The following LOC128092253 variants were observed in gnomAD, a reference collection of about 807,000 sequenced individuals.
chr6:133,977,790 C>T, the LOC128092253 span, among the ~76,000 whole-genome samples: 1 of 152,120 alleles, frequency 6.6e-6, no homozygotes, highest in African/African-American at 2.4e-5. Flanking sequence ...GGCCAGGCTG[C>T]TTCTATCTTG....
At chr6:133,979,631 G>A in the LOC128092253 span, among the ~76,000 whole-genome samples, 136 of 152,176 alleles carry the variant, frequency 8.9e-4, no homozygotes, top group African/African-American at 3.0e-3. Context: ...ATTTTTAGTG[G>A]GGAAAAGAAA....
chr6:133,972,398 A>T, the LOC128092253 span, among the ~76,000 whole-genome samples: 1 of 152,244 alleles, frequency 6.6e-6, no homozygotes, highest in Non-Finnish European at 1.5e-5. Flanking sequence ...TGTCATTTTA[A>T]TTAAAAATAA....
chr6:133,977,604 TTTC>T, the LOC128092253 span, among the ~76,000 whole-genome samples: 1 of 152,192 alleles, frequency 6.6e-6, no homozygotes. Flanking sequence ...TCGCATGAAG[TTTC>T]TTCTTCAGTA....
chr6:133,966,612 G>C, the LOC128092253 span, among the ~76,000 whole-genome samples: 10 of 152,074 alleles, frequency 6.6e-5, no homozygotes, highest in African/African-American at 2.2e-4. Context: ...GTCCAAAACC[G>C]AATTGTTAAC....
the LOC128092253 span, among the ~76,000 whole-genome samples, chr6:133,954,262 T>G: frequency 2.0e-5 from 3 of 152,314 alleles, no homozygotes; most frequent in Admixed American, 1.3e-4. Flanking sequence ...GTGCATGAGC[T>G]TCTGTATTTA....
the LOC128092253 span, among the ~76,000 whole-genome samples, chr6:133,959,100 TG>T: frequency 6.6e-6 from 1 of 151,974 alleles, no homozygotes; most frequent in East Asian, 1.9e-4. Flanking sequence ...AGTGCGGTGG[TG>T]GCATCTCAGC....
the LOC128092253 span, among the ~76,000 whole-genome samples, chr6:133,954,769 G>A: frequency 0.017 from 2,520 of 152,254 alleles, 24 homozygotes; most frequent in Non-Finnish European, 0.026. Flanking sequence ...GCAAAAAGGT[G>A]TCATCCTTTC....
At chr6:133,967,556 A>G in the LOC128092253 span, among the ~76,000 whole-genome samples, 2 of 152,214 alleles carry the variant, frequency 1.3e-5, no homozygotes, top group Non-Finnish European at 2.9e-5. Context: ...CCCAGACGGT[A>G]GAATCTACTA....
At chr6:133,971,616 A>G in the LOC128092253 span, among the ~76,000 whole-genome samples, 1 of 151,958 alleles carries the variant, frequency 6.6e-6, no homozygotes, top group Non-Finnish European at 1.5e-5. Context: ...GTTTTTTTAT[A>G]ATAGCCATTC....
the LOC128092253 span, among the ~76,000 whole-genome samples, chr6:133,964,455 G>GTT: frequency 7.8e-5 from 11 of 140,944 alleles, no homozygotes; most frequent in Admixed American, 1.4e-4. Context: ...GGTTTTTTGG[G>GTT]TTTTTTTTTT....
At chr6:133,956,874 G>A in the LOC128092253 span, among the ~76,000 whole-genome samples, 3 of 152,196 alleles carry the variant, frequency 2.0e-5, no homozygotes, top group African/African-American at 7.2e-5. Flanking sequence ...ACCACTTTGG[G>A]AAATTTCAAA....
chr6:133,975,604 G>A, the LOC128092253 span, among the ~76,000 whole-genome samples: 26 of 152,164 alleles, frequency 1.7e-4, no homozygotes, highest in Admixed American at 1.7e-3. Context: ...ATACAAGAAA[G>A]GAAGAGTATA....
the LOC128092253 span, among the ~76,000 whole-genome samples, chr6:133,964,238 C>T: frequency 1.3e-5 from 2 of 152,140 alleles, no homozygotes; most frequent in Non-Finnish European, 2.9e-5. Context: ...GCCAAGTTCT[C>T]TGTGTTTATC....
chr6:133,979,992 A>G, the LOC128092253 span: 3 of 982,628 alleles, frequency 3.1e-6, no homozygotes, highest in Non-Finnish European at 4.2e-6. Context: ...TAAATAATAT[A>G]GATTCATTTT....
the LOC128092253 span, among the ~76,000 whole-genome samples, chr6:133,964,284 G>A: frequency 6.6e-6 from 1 of 152,078 alleles, no homozygotes; most frequent in Non-Finnish European, 1.5e-5. Context: ...CAGTTACTCA[G>A]ATCTGACAAG....
chr6:133,975,139 G>C, the LOC128092253 span, among the ~76,000 whole-genome samples: 1 of 152,124 alleles, frequency 6.6e-6, no homozygotes, highest in Non-Finnish European at 1.5e-5. Context: ...GCTACTGATA[G>C]TTTGTTCTGA....
chr6:133,963,472 T>C, the LOC128092253 span, among the ~76,000 whole-genome samples: 11,905 of 152,248 alleles, frequency 0.078, 449 homozygotes, highest in Admixed American at 0.085. Flanking sequence ...TAGCCCAGAC[T>C]GGAGTGCAGT....
chr6:133,971,257 A>T, the LOC128092253 span, among the ~76,000 whole-genome samples: 1 of 152,150 alleles, frequency 6.6e-6, no homozygotes, highest in Admixed American at 6.5e-5. Flanking sequence ...TAACGTCACA[A>T]ATGACAAGAT....
At chr6:133,963,929 T>A in the LOC128092253 span, among the ~76,000 whole-genome samples, 1 of 150,444 alleles carries the variant, frequency 6.6e-6, no homozygotes, top group East Asian at 2.0e-4. Context: ...TAGTCGCAGC[T>A]ACTCGGGAGG....
Sources: allele counts gnomAD v4.1 joint callset (sites outside exome capture counted in the v4.1 genomes callset), GRCh38; gene constraint gnomAD v4.1.1; transcripts MANE v1.5.